Variants in NTRK3 observed in about 807,000 individuals in gnomAD.
NTRK3 encodes the protein NT-3 growth factor receptor.
In NTRK3, 24 loss-of-function variants were observed where a neutral mutation model predicts 91.7. That is an observed-to-expected ratio of 0.26 (90% CI 0.19 to 0.37). The LOEUF (loss-of-function observed/expected upper bound fraction) is 0.37. NTRK3 is among the 10% of genes least tolerant of loss of function. The probability of loss-of-function intolerance (pLI) is 1.00; values close to 1 mark genes in which losing one functional copy is unlikely to be tolerated. For synonymous variants in NTRK3, 483 were observed against 404.0 expected (o/e 1.20, Z -2.34); for missense variants, 880 against 1,068.9 (o/e 0.82, Z 2.46).
chr15:88,125,201 T>C (rs1198397404), intron 13 of NTRK3, among the ~76,000 whole-genome samples: 1 of 152,236 alleles, frequency 6.6e-6, no homozygotes, highest in Non-Finnish European at 1.5e-5. Flanking sequence ...TACAGAGGTT[T>C]CTGAGAATAT....
chr15:88,144,780 G>A (rs188216251), intron 6 of NTRK3, among the ~76,000 whole-genome samples: 2 of 152,220 alleles, frequency 1.3e-5, no homozygotes, highest in Admixed American at 6.5e-5. Flanking sequence ...TGCTCAAGAT[G>A]TGCCTCTTCC....
exon 19 of NTRK3, chr15:87,876,217 G>T: frequency 4.3e-6 from 1 of 233,198 alleles, no homozygotes; most frequent in Non-Finnish European, 8.5e-6. Flanking sequence ...ATGGTTTTGT[G>T]TTGTGGGGTT....
intron 13 of NTRK3, among the ~76,000 whole-genome samples, chr15:88,116,289 G>A (rs2052060048): frequency 6.6e-6 from 1 of 152,134 alleles, no homozygotes; most frequent in Non-Finnish European, 1.5e-5. Flanking sequence ...TGCCTTACAA[G>A]TAGTGGTTAT....
chr15:88,177,523 T>A (rs1162919846), intron 5 of NTRK3, among the ~76,000 whole-genome samples: 1 of 152,212 alleles, frequency 6.6e-6, no homozygotes, highest in Non-Finnish European at 1.5e-5. Context: ...AAGAGAGGCA[T>A]CAAGAATGTC....
chr15:87,927,633 A>G (rs2068435649), intron 17 of NTRK3: 2 of 152,182 alleles, frequency 1.3e-5, no homozygotes, highest in South Asian at 4.1e-4. Flanking sequence ...GGAAGTTACT[A>G]GGTTATGAGG....
chr15:88,065,428 T>C (rs1280165905), intron 13 of NTRK3, among the ~76,000 whole-genome samples: 1 of 152,102 alleles, frequency 6.6e-6, no homozygotes, highest in East Asian at 1.9e-4. Flanking sequence ...AATCAGGTGG[T>C]TTGAGGCTCT....
chr15:88,130,775 A>G (rs779323053), intron 10 of NTRK3, among the ~76,000 whole-genome samples: 4 of 152,250 alleles, frequency 2.6e-5, no homozygotes, highest in Non-Finnish European at 4.4e-5. Context: ...AGAGAGTGAG[A>G]TGACACAGGA....
At chr15:87,911,172 G>A (rs988771579) in intron 17 of NTRK3, among the ~76,000 whole-genome samples, 2 of 152,192 alleles carry the variant, frequency 1.3e-5, no homozygotes, top group South Asian at 4.1e-4. Context: ...GACAGGTATT[G>A]AGGTATGAGC....
intron 13 of NTRK3, among the ~76,000 whole-genome samples, chr15:88,053,043 C>T (rs2045368105): frequency 6.6e-6 from 1 of 152,186 alleles, no homozygotes; most frequent in Non-Finnish European, 1.5e-5. Context: ...ATTCTCAAAA[C>T]ATTTATTAGG....
chr15:88,096,883 C>G (rs1237594250), intron 13 of NTRK3, among the ~76,000 whole-genome samples: 1 of 152,238 alleles, frequency 6.6e-6, no homozygotes, highest in Non-Finnish European at 1.5e-5. Flanking sequence ...ATCCTGGAAT[C>G]ACCTCCCAAA....
chr15:88,064,757 G>A (rs899466251), intron 13 of NTRK3, among the ~76,000 whole-genome samples: 1 of 152,204 alleles, frequency 6.6e-6, no homozygotes, highest in Non-Finnish European at 1.5e-5. Context: ...GGTCTCTGCT[G>A]CTGAGGTCCC....
intron 14 of NTRK3, among the ~76,000 whole-genome samples, chr15:87,943,939 G>C (rs945306922): frequency 6.6e-6 from 1 of 152,022 alleles, no homozygotes; most frequent in African/African-American, 2.4e-5. Context: ...AAGCCTCCGT[G>C]GGCCAAAGTG....
At chr15:88,039,326 C>A (rs1230560898) in intron 13 of NTRK3, among the ~76,000 whole-genome samples, 5 of 152,178 alleles carry the variant, frequency 3.3e-5, no homozygotes, top group African/African-American at 1.2e-4. Flanking sequence ...GAGAGAGACC[C>A]TCAAGGGAAC....
intron 10 of NTRK3, among the ~76,000 whole-genome samples, chr15:88,130,518 G>C (rs958753541): frequency 6.6e-6 from 1 of 152,080 alleles, no homozygotes; most frequent in Admixed American, 6.6e-5. Context: ...ACACCACCTT[G>C]ACCAAGTAAT....
rs1387909028 is a variant in NTRK3, at chr15:88,235,474, C to G, written c.248+20432G>C. On this transcript the variant is annotated intron_variant, in intron 3 of 18. Transcript: ENST00000394480. The surrounding 1 kb of genome is among the most constrained non-coding windows in gnomAD (Gnocchi z 5.2). ...CCATTGTGGGAGAGAGACACAAGCC[C>G]AGGGGAGTTGCCTTTCTGGTGGGAC... Among the ~76,000 whole-genome samples, 1 of 152,208 alleles carries G rather than the reference C, an allele frequency of 6.6e-6. No individual in the cohort carries two copies. Among genetic ancestry groups the G allele is most frequent in the Non-Finnish European group, 1.5e-5 (1 of 68,038 alleles).
At chr15:87,921,472 T>C (rs974643400) in intron 17 of NTRK3, among the ~76,000 whole-genome samples, 1 of 152,110 alleles carries the variant, frequency 6.6e-6, no homozygotes, top group Middle Eastern at 3.2e-3. Flanking sequence ...CCAGTTAAGC[T>C]AGGGGTCAAG....
chr15:87,880,926 GT>G (rs2065208190), intron 17 of NTRK3, among the ~76,000 whole-genome samples: 1 of 152,228 alleles, frequency 6.6e-6, no homozygotes, highest in Non-Finnish European at 1.5e-5. Context: ...AGGACTCAGT[GT>G]TTCAAGTGAA....
At chr15:87,884,145 CAATT>C (rs902781659) in intron 17 of NTRK3, among the ~76,000 whole-genome samples, 16 of 151,148 alleles carry the variant, frequency 1.1e-4, no homozygotes, top group African/African-American at 3.1e-4. Context: ...TCTACACAAT[CAATT>C]GTTAGTTCTC....
rs35011403 is a variant in NTRK3, at chr15:87,886,676, CTATATATA to C, written c.2134-6256_2134-6249del. Among the ~76,000 whole-genome samples the C allele has an allele frequency of 3.5e-4, 35 of 101,212 alleles. 2 individuals are homozygous for C. The highest frequency in any genetic ancestry group is 8.1e-4 in the Admixed American group (8 of 9,874). The allele number at this position is 101,212 out of a possible 152,430, so 66.4% of individuals were successfully genotyped here. ...CCAAAGAGAAAAATCCCACTTTTTG[CTATATATA>C]TATATATATATATATACATATATAC... On this transcript the variant is annotated intron_variant, in intron 17 of 18. Transcript: ENST00000394480.
Sources: allele counts gnomAD v4.1 joint callset (sites outside exome capture counted in the v4.1 genomes callset), GRCh38; gene constraint gnomAD v4.1.1; non-coding constraint Gnocchi (gnomAD v3.1); transcripts MANE v1.5; gene names NCBI Gene and HGNC (gene_info 2026-07-23, HGNC 2026-07-21).